WDR64: variants seen among roughly 807,000 people sequenced by gnomAD.
WDR64 encodes WD repeat domain 64.
Under a neutral mutation model 139.3 loss-of-function variants are expected in WDR64, and 112 were observed. The observed-to-expected ratio is 0.80, with a 90% CI of 0.69 to 0.94. The LOEUF is 0.94. Among genes scored for constraint, WDR64 ranks in the 40% least tolerant of loss-of-function variants. WDR64 has a pLI of 0.00. For synonymous variants in WDR64, 444 were observed against 437.7 expected (o/e 1.01, Z -0.18); for missense variants, 1,206 against 1,293.1 (o/e 0.93, Z 1.03).
chr1:241,780,238 A>C (rs554010546), intron 22 of WDR64, among the ~76,000 whole-genome samples, 176 bp downstream of exon 22: 47 of 152,324 alleles, frequency 3.1e-4, no homozygotes, highest in African/African-American at 1.1e-3. Context: ...AAAAGGGATC[A>C]AGAAGTAAGT....
chr1:241,652,477 A>T lies in WDR64; in HGVS notation c.-8A>T, dbSNP rs1171074027. The stretch of plus-strand genomic sequence containing the variant: ...TCTGTACAGAAGTAAAAGATCCCCT[A>T]TGTCCCTATGGATATCAGGAAGGAA... On this transcript the variant is annotated 5_prime_UTR_variant, in exon 1 of 28. The change abolishes an upstream ATG in the 5' untranslated region. Coordinates refer to ENST00000437684, the MANE Select transcript of WDR64 (RefSeq NM_001367482.1). 1 of 1,551,560 alleles carries T rather than the reference A, an allele frequency of 6.4e-7. No individual in the cohort carries two copies.
chr1:241,776,909 A>C (rs1658674956), intron 21 of WDR64, among the ~76,000 whole-genome samples: 1 of 152,068 alleles, frequency 6.6e-6, no homozygotes, highest in African/African-American at 2.4e-5. Flanking sequence ...GATCCAGAAA[A>C]TAGAGTGGGT....
chr1:241,741,048 T>A (rs1669521346), intron 11 of WDR64, among the ~76,000 whole-genome samples: 1 of 152,188 alleles, frequency 6.6e-6, no homozygotes, highest in African/African-American at 2.4e-5. Flanking sequence ...AATAAGACCA[T>A]GTTTACAGAG....
At position 241,749,540 on chromosome 1, in the gene WDR64, T is replaced by G; in HGVS notation, c.1595-7T>G. On this transcript the variant is annotated splice_region_variant and splice_polypyrimidine_tract_variant and intron_variant, in intron 13 of 27. Transcript: ENST00000437684. ...TACCCACATAGTCTTTTTCTCTGTA[T>G]GCTCAGGAACAGTCAGAATCTGGGA... 6.2e-7 allele frequency: 1 copy of G among 1,612,370 alleles called. No homozygotes were observed. The highest frequency in any genetic ancestry group is 1.1e-5 in the South Asian group (1 of 90,924).
chr1:241,735,397 T>C (rs1669259465), intron 10 of WDR64, among the ~76,000 whole-genome samples: 2 of 152,180 alleles, frequency 1.3e-5, no homozygotes, highest in Admixed American at 6.5e-5. Flanking sequence ...AAAGTTTTTA[T>C]GGCTTATGCT....
rs1659363353 is a variant in WDR64, at chr1:241,796,333, C to T, written c.3155C>T (p.Thr1052Ile). The T allele has an allele frequency of 3.1e-6, 5 of 1,613,540 alleles. No individual in the cohort carries two copies. The highest frequency in any genetic ancestry group is 2.7e-5 in the African/African-American group (2 of 74,868). Residue 1052 changes from threonine to isoleucine, a missense_variant, in exon 27 of 28, where the codon ACA becomes ATA. Thr to Ile is a moderately conservative substitution (Grantham distance 89). Coordinates refer to ENST00000437684, the MANE Select transcript of WDR64 (RefSeq NM_001367482.1). Reference sequence around the variant, plus strand: ...CAAAAGGACTCTTCAGATGGCATTACAGGAAAGAAGAAGGGAGGTCATGTT... The same window carrying T: ...CAAAAGGACTCTTCAGATGGCATTATAGGAAAGAAGAAGGGAGGTCATGTT... The part of the protein sequence containing the change: ...EAQKDSSDGI[T>I]GKKKGGHVQR...
At chr1:241,796,195 G>A (rs1278527521) in intron 26 of WDR64, 62 bp from the exon 27 acceptor site, 13 of 1,249,318 alleles carry the variant, frequency 1.0e-5, no homozygotes, top group Non-Finnish European at 1.4e-5. Flanking sequence ...CCCAACTCCT[G>A]AATTCATATT....
chr1:241,802,207 C>T lies in WDR64; in HGVS notation c.*992C>T. 2.5e-6 allele frequency: 1 copy of T among 396,442 alleles called. No homozygotes were observed. Among genetic ancestry groups the T allele is most frequent in the Non-Finnish European group, 4.4e-6 (1 of 225,522 alleles). The allele number at this position is 396,442 out of a possible 1,614,324, so 24.6% of individuals were successfully genotyped here. A position where few individuals can be genotyped will look rare whatever the true frequency, so the allele number is the denominator to read the frequency against. On this transcript the variant is annotated 3_prime_UTR_variant, in exon 28 of 28. Transcript: ENST00000437684. ...TGGTAGGGTAGGACAATGGAATCCT[C>T]AGCAATTAAAGGGAATAAAATGCTA...
At chr1:241,675,394 A>G (rs904782216) in intron 4 of WDR64, among the ~76,000 whole-genome samples, 9 of 151,606 alleles carry the variant, frequency 5.9e-5, no homozygotes, top group Admixed American at 4.6e-4. Flanking sequence ...TATATTTTAG[A>G]GTTATTCCAA....
chr1:241,718,364 T>C (rs1668479822), intron 9 of WDR64, among the ~76,000 whole-genome samples: 1 of 152,112 alleles, frequency 6.6e-6, no homozygotes, highest in Non-Finnish European at 1.5e-5. Flanking sequence ...CGGAGAGTAA[T>C]AACCAAACTA....
rs540746451 is a variant in WDR64, at chr1:241,677,471, C to T, written c.484-716C>T. 9.5e-5 allele frequency: 38 copies of T among 398,500 alleles called. No homozygotes were observed. In the East Asian group the frequency reaches 1.3e-3, roughly 14 times the overall value. The allele number at this position is 398,500 out of a possible 1,614,324, so 24.7% of individuals were successfully genotyped here. ...TTCACATAATCCGTTTCTTCTGGGCCGCTGTTTCCTAGATACTTCTCAAGG... is the reference window on the plus strand; with the variant it reads ...TTCACATAATCCGTTTCTTCTGGGCTGCTGTTTCCTAGATACTTCTCAAGG... On this transcript the variant is annotated intron_variant, in intron 4 of 27. Coordinates refer to ENST00000437684, the MANE Select transcript of WDR64 (RefSeq NM_001367482.1).
intron 8 of WDR64, among the ~76,000 whole-genome samples, chr1:241,708,536 C>A (rs947403027): frequency 6.6e-6 from 1 of 151,840 alleles, no homozygotes; most frequent in Non-Finnish European, 1.5e-5. Flanking sequence ...CTGGTCTCGA[C>A]CTCCTGACCT....
chr1:241,686,303 G>T (rs7538602), intron 7 of WDR64, among the ~76,000 whole-genome samples: 90,822 of 152,144 alleles, frequency 0.6, 28,803 homozygotes, highest in Non-Finnish European at 0.72. Flanking sequence ...GTGGATATGG[G>T]GGTAGTAAAC....
rs1374084620 is a variant in WDR64 at position 241,802,755 on chromosome 1, C to T, written c.*1540C>T. ...TCTAGGTGGTAGGAATACAGGTATT[C>T]ATTAAAGAACTCTTTCAAATTCTCT... is the stretch of plus-strand genomic sequence containing the variant. On this transcript the variant is annotated 3_prime_UTR_variant, in exon 28 of 28. Transcript: ENST00000437684. Among the ~76,000 whole-genome samples the T allele has an allele frequency of 6.6e-6, 1 of 151,986 alleles. No individual in the cohort carries two copies. The highest frequency in any genetic ancestry group is 1.5e-5 in the Non-Finnish European group (1 of 67,986).
At chr1:241,676,679 C>T (rs908802895) in intron 4 of WDR64, among the ~76,000 whole-genome samples, 8 of 151,294 alleles carry the variant, frequency 5.3e-5, no homozygotes, top group Middle Eastern at 6.9e-3. Context: ...TACTCACAAA[C>T]GTGCAAACAC....
chr1:241,681,737 C>T (rs137901871), intron 6 of WDR64, among the ~76,000 whole-genome samples: 3,261 of 152,314 alleles, frequency 0.021, 54 homozygotes, highest in Middle Eastern at 0.058. Flanking sequence ...TACATTCCCA[C>T]CAGCAGTGTA....
intron 13 of WDR64, among the ~76,000 whole-genome samples, chr1:241,745,833 G>A (rs1017161914): frequency 2.6e-5 from 4 of 152,042 alleles, no homozygotes; most frequent in Non-Finnish European, 5.9e-5. Flanking sequence ...ACAAGCCACT[G>A]GTCTCCTCGC....
intron 21 of WDR64, among the ~76,000 whole-genome samples, chr1:241,775,782 T>A (rs1057003147): frequency 2.6e-5 from 4 of 152,188 alleles, no homozygotes; most frequent in African/African-American, 9.6e-5. Context: ...TGCACATGCA[T>A]GTGTAAAAAG....
intron 7 of WDR64, among the ~76,000 whole-genome samples, chr1:241,684,870 G>A (rs1325876656): frequency 6.6e-6 from 1 of 152,076 alleles, no homozygotes; most frequent in Non-Finnish European, 1.5e-5. Context: ...CGATTCTCCT[G>A]CCTCAGCCTC....
Sources: allele counts gnomAD v4.1 joint callset (sites outside exome capture counted in the v4.1 genomes callset), GRCh38; gene constraint gnomAD v4.1.1; transcripts MANE v1.5; gene names NCBI Gene and HGNC (gene_info 2026-07-23, HGNC 2026-07-21).